RPL32: variants seen among roughly 807,000 people sequenced by gnomAD.
RPL32 encodes ribosomal protein L32.
For missense variants in RPL32, 117 were observed against 173.7 expected, an observed-to-expected ratio of 0.67 and a Z score of 1.83; for synonymous variants, 61 against 62.6, an observed-to-expected ratio of 0.98 and a Z score of 0.12.
chr3:12,837,962 G>C (rs1464892925), intron 3 of RPL32, among the ~76,000 whole-genome samples: 1 of 152,218 alleles, frequency 6.6e-6, no homozygotes, highest in East Asian at 1.9e-4. Flanking sequence ...GCTGGGTGTG[G>C]TGGAGTGTGC....
chr3:12,836,309 C>A, intron 3 of RPL32, 86 bp from the exon 4 acceptor site: 1 of 1,538,088 alleles, frequency 6.5e-7, no homozygotes, highest in East Asian at 2.3e-5. Flanking sequence ...GTCCCAGCAC[C>A]AAGCTAAGAG....
At chr3:12,839,276 G>A in intron 3 of RPL32, 73 bp downstream of exon 3, 6 of 1,396,234 alleles carry the variant, frequency 4.3e-6, no homozygotes, top group Non-Finnish European at 6.1e-6. Context: ...AGAGTTTGTA[G>A]AGTTCCTGCC....
intron 3 of RPL32, 21 bp downstream of exon 3, chr3:12,839,328 T>C: frequency 1.2e-6 from 2 of 1,610,492 alleles, no homozygotes; most frequent in Non-Finnish European, 1.7e-6. Flanking sequence ...CACTGAAAAC[T>C]AGAGGTGGGA....
intron 3 of RPL32, among the ~76,000 whole-genome samples, chr3:12,837,798 T>A (rs9850497): frequency 0.18 from 27,602 of 152,226 alleles, 3,323 homozygotes; most frequent in African/African-American, 0.35. Flanking sequence ...ATTCAGCTTT[T>A]TGGCTTTCAT....
intron 3 of RPL32, among the ~76,000 whole-genome samples, chr3:12,838,109 C>T (rs150182145): frequency 6.6e-6 from 1 of 152,312 alleles, no homozygotes; most frequent in Non-Finnish European, 1.5e-5. Context: ...GCCTGTCTAT[C>T]TCTAAAATCA....
chr3:12,840,693 T>C (rs2062145146), intron 1 of RPL32: 3 of 354,710 alleles, frequency 8.5e-6, no homozygotes, highest in South Asian at 2.1e-5. Context: ...ACAGGGTAAA[T>C]GTTCAATAAA....
chr3:12,840,487 C>G (rs2062143120), intron 1 of RPL32: 1 of 641,376 alleles, frequency 1.6e-6, no homozygotes, highest in Non-Finnish European at 3.0e-6. Flanking sequence ...CAAAGAATGC[C>G]AACAGCTGAG....
At chr3:12,836,991 A>T (rs920907329) in intron 3 of RPL32, among the ~76,000 whole-genome samples, 2 of 152,262 alleles carry the variant, frequency 1.3e-5, no homozygotes, top group African/African-American at 4.8e-5. Context: ...ACCCTGCCTT[A>T]ACAGCAAGAC....
chr3:12,837,894 G>A (rs1044613018), intron 3 of RPL32, among the ~76,000 whole-genome samples: 3 of 152,192 alleles, frequency 2.0e-5, no homozygotes, highest in African/African-American at 7.2e-5. Context: ...GCAGGTCACT[G>A]AGTCTTTTAT....
At chr3:12,841,408 G>A (rs987098462) in intron 1 of RPL32, 86 bp downstream of exon 1, 2 of 152,280 alleles carry the variant, frequency 1.3e-5, no homozygotes, top group African/African-American at 4.8e-5. Flanking sequence ...AGACACTACC[G>A]CGCTGAAGGG....
chr3:12,838,673 C>G (rs1014724422), intron 3 of RPL32, among the ~76,000 whole-genome samples: 2 of 139,192 alleles, frequency 1.4e-5, no homozygotes, highest in South Asian at 2.1e-4. Context: ...CAGCAACCAT[C>G]TGAATGCACT....
chr3:12,835,897 C>A lies in RPL32; in HGVS notation c.*197G>T, dbSNP rs2062095499. 1.6e-6 allele frequency: 1 copy of A among 622,708 alleles called. No homozygotes were observed. Among genetic ancestry groups the A allele is most frequent in the Non-Finnish European group, 2.7e-6 (1 of 366,590 alleles). 38.6% of individuals were successfully genotyped at this position (622,708 alleles called of 1,614,324 possible). A position where few individuals can be genotyped will look rare whatever the true frequency, so the allele number is the denominator to read the frequency against. Reference sequence around the variant, plus strand: ...CTAAGGCTAGTCTGTGCACTTGAGGCCACATTCCCCTGTTCAAGGACTGAG... The same window carrying A: ...CTAAGGCTAGTCTGTGCACTTGAGGACACATTCCCCTGTTCAAGGACTGAG... On this transcript the variant is annotated 3_prime_UTR_variant, in exon 4 of 4. Transcript: ENST00000429711.
Position 12,841,505 on chromosome 3 carries a change from T to C in RPL32, c.-17A>G, listed in dbSNP as rs1288645419. 2 of 151,576 alleles carry C rather than the reference T, an allele frequency of 1.3e-5. No homozygotes were observed. Among genetic ancestry groups the C allele is most frequent in the Non-Finnish European group, 1.5e-5 (1 of 67,848 alleles). 9.4% of individuals were successfully genotyped at this position (151,576 alleles called of 1,614,324 possible). On this transcript the variant is annotated 5_prime_UTR_variant, in exon 1 of 4. Coordinates refer to ENST00000429711, the MANE Select transcript of RPL32 (RefSeq NM_000994.4). ...GGATTAACACTTACCGAGAAGGAGA[T>C]GGCTGCCACCTCCGTAGGCAGCGCC... is the stretch of plus-strand genomic sequence containing the variant.
chr3:12,838,113 A>C (rs1033300736), intron 3 of RPL32, among the ~76,000 whole-genome samples: 1 of 152,246 alleles, frequency 6.6e-6, no homozygotes, highest in African/African-American at 2.4e-5. Flanking sequence ...GTCTATCTCT[A>C]AAATCAAACC....
chr3:12,836,088 A>G lies in RPL32; in HGVS notation c.*6T>C, dbSNP rs762324137. On this transcript the variant is annotated 3_prime_UTR_variant, in exon 4 of 4. Coordinates refer to ENST00000429711, the MANE Select transcript of RPL32 (RefSeq NM_000994.4). ...TATTTAAACAGAAAACGTGCACATGAGCTGCCTACTCATTTTCTTCACTGC... is the reference window on the plus strand; with the variant it reads ...TATTTAAACAGAAAACGTGCACATGGGCTGCCTACTCATTTTCTTCACTGC... 3.1e-6 allele frequency: 5 copies of G among 1,611,004 alleles called. No homozygotes were observed. In the African/African-American group the frequency reaches 5.3e-5, roughly 17 times the overall value.
intron 3 of RPL32, among the ~76,000 whole-genome samples, chr3:12,836,694 TGAGAAG>T (rs2062102911): frequency 6.6e-6 from 1 of 152,180 alleles, no homozygotes; most frequent in African/African-American, 2.4e-5. Flanking sequence ...CAAAGCAAGT[TGAGAAG>T]CAACAATGCT....
At chr3:12,836,379 G>T (rs1021862343) in intron 3 of RPL32, among the ~76,000 whole-genome samples, 156 bp from the exon 4 acceptor site, 5 of 152,134 alleles carry the variant, frequency 3.3e-5, no homozygotes, top group Non-Finnish European at 7.4e-5. Context: ...CCTGACTATG[G>T]TTCCCTGGTG....
chr3:12,836,228 A>G lies in RPL32; in HGVS notation c.279-5T>C, dbSNP rs760415627. The G allele has an allele frequency of 6.9e-6, 11 of 1,599,436 alleles. No homozygotes were observed. The highest frequency in any genetic ancestry group is 9.3e-6 in the Non-Finnish European group (11 of 1,179,756). ...GCGATCTCGGCACAGTAAGATCTGC[A>G]AGAGAATCAAGTAGGTAAGGAGCAA... On this transcript the variant is annotated splice_region_variant and splice_polypyrimidine_tract_variant and intron_variant, in intron 3 of 3. Coordinates refer to ENST00000429711, the MANE Select transcript of RPL32 (RefSeq NM_000994.4).
At chr3:12,839,288 G>C in intron 3 of RPL32, 61 bp downstream of exon 3, 2 of 1,495,324 alleles carry the variant, frequency 1.3e-6, no homozygotes, top group South Asian at 1.1e-5. Flanking sequence ...GTTCCTGCCA[G>C]AAGTGCTCAC....
Sources: gnomAD v4.1 joint callset for allele counts (sites outside exome capture counted in the v4.1 genomes callset) on GRCh38, gnomAD v4.1.1 for gene constraint, MANE v1.5 for transcripts, NCBI Gene and HGNC (gene_info 2026-07-23, HGNC 2026-07-21) for gene names.